HIVEP3: variants seen among roughly 807,000 people sequenced by gnomAD.
HIVEP3 encodes HIVEP zinc finger 3.
Under a neutral mutation model 152.8 loss-of-function variants are expected in HIVEP3, and 49 were observed. That is an observed-to-expected ratio of 0.32 (90% confidence interval 0.26 to 0.41). The LOEUF (loss-of-function observed/expected upper bound fraction) is 0.41. Among genes scored for constraint, HIVEP3 ranks in the 10% least tolerant of loss-of-function variants. The pLI, the probability that HIVEP3 is intolerant of heterozygous loss-of-function variation, is 1.00. For synonymous variants in HIVEP3, 1,269 were observed against 1,289.0 expected (o/e 0.98, Z 0.33); for missense variants, 2,790 against 3,103.3 (o/e 0.90, Z 2.40).
chr1:41,639,935 G>A (rs575543695), intron 2 of HIVEP3, among the ~76,000 whole-genome samples: 89 of 152,308 alleles, frequency 5.8e-4, no homozygotes, highest in African/African-American at 2.0e-3. Context: ...AGGATACCCA[G>A]AAATGTTTTC....
intron 1 of HIVEP3, among the ~76,000 whole-genome samples, chr1:41,953,933 C>T (rs1645124381): frequency 6.6e-6 from 1 of 152,176 alleles, no homozygotes; most frequent in Non-Finnish European, 1.5e-5. Context: ...TCTTCAGAAC[C>T]CAGAACATAT....
chr1:41,777,375 G>A (rs1232082435), intron 1 of HIVEP3, among the ~76,000 whole-genome samples: 1 of 152,206 alleles, frequency 6.6e-6, no homozygotes, highest in Non-Finnish European at 1.5e-5. Flanking sequence ...GGAACACTGG[G>A]CATTTGTCAG....
chr1:41,900,751 G>T (rs1487128127), intron 1 of HIVEP3, among the ~76,000 whole-genome samples: 1 of 152,084 alleles, frequency 6.6e-6, no homozygotes, highest in Non-Finnish European at 1.5e-5. Flanking sequence ...CCAGGAAAAA[G>T]GAAATGTGTG....
intron 1 of HIVEP3, among the ~76,000 whole-genome samples, chr1:41,864,287 G>A (rs573186911): frequency 1.3e-5 from 2 of 152,310 alleles, no homozygotes; most frequent in East Asian, 3.9e-4. Flanking sequence ...CAGAGAGCTG[G>A]AGGGTTACAG....
At chr1:41,706,863 C>T (rs1646441546) in intron 1 of HIVEP3, among the ~76,000 whole-genome samples, 1 of 152,126 alleles carries the variant, frequency 6.6e-6, no homozygotes, top group Non-Finnish European at 1.5e-5. Flanking sequence ...GTTATTGGTC[C>T]TCTAACAATG....
chr1:41,699,971 G>A (rs138108537), intron 2 of HIVEP3, among the ~76,000 whole-genome samples: 8 of 152,096 alleles, frequency 5.3e-5, no homozygotes, highest in Non-Finnish European at 1.2e-4. Flanking sequence ...GCATCCCAGC[G>A]ACTCCACTGC....
intron 1 of HIVEP3, among the ~76,000 whole-genome samples, chr1:41,736,116 A>T (rs1278184354): frequency 6.6e-6 from 1 of 152,178 alleles, no homozygotes; most frequent in East Asian, 1.9e-4. Context: ...GCCGATGGTT[A>T]TCACAACAGC....
At position 41,905,102 on chromosome 1, in the gene HIVEP3, G is replaced by A. The variant is rs183942422; in HGVS notation, c.-801+13311C>T. 2.9e-4 allele frequency among the ~76,000 whole-genome samples: 44 copies of A among 152,220 alleles called. 1 individual carries two copies. In the Middle Eastern group the frequency reaches 0.014, roughly 47 times the overall value. On this transcript the variant is annotated intron_variant, in intron 1 of 8. Coordinates refer to ENST00000372583, the MANE Select transcript of HIVEP3 (RefSeq NM_024503.5). ...TATAAGGATTTAAGAGTGTAGGTGG[G>A]GCCTCTCTAGGCCCTGCTTCCTACA...
chr1:41,742,381 T>C (rs981547283), intron 1 of HIVEP3, among the ~76,000 whole-genome samples: 2 of 152,234 alleles, frequency 1.3e-5, no homozygotes, highest in South Asian at 2.1e-4. Flanking sequence ...CATACTCTGC[T>C]GCTGTTGACT....
chr1:41,523,872 G>T (rs1236509287), intron 6 of HIVEP3, among the ~76,000 whole-genome samples: 2 of 152,226 alleles, frequency 1.3e-5, no homozygotes, highest in Non-Finnish European at 2.9e-5. Context: ...ACACTGGGGT[G>T]CCGAGAGCCC....
chr1:41,596,063 A>C (rs1644661442), intron 3 of HIVEP3, among the ~76,000 whole-genome samples: 1 of 152,206 alleles, frequency 6.6e-6, no homozygotes, highest in African/African-American at 2.4e-5. Context: ...GAAATGTTTC[A>C]GGGCTCCAGG....
intron 1 of HIVEP3, among the ~76,000 whole-genome samples, chr1:41,967,079 T>TA (rs1248830339): frequency 6.6e-6 from 1 of 152,126 alleles, no homozygotes; most frequent in Non-Finnish European, 1.5e-5. Flanking sequence ...CAAAGAGACT[T>TA]AGACTCCCAC....
At chr1:41,937,410 A>C (rs1449239093) in intron 1 of HIVEP3, among the ~76,000 whole-genome samples, 1 of 152,170 alleles carries the variant, frequency 6.6e-6, no homozygotes, top group African/African-American at 2.4e-5. Context: ...GACTTCTAGG[A>C]AGACAATCTA....
intron 1 of HIVEP3, among the ~76,000 whole-genome samples, chr1:41,933,628 T>C (rs1158805056): frequency 1.3e-5 from 2 of 152,174 alleles, no homozygotes; most frequent in Non-Finnish European, 2.9e-5. Context: ...ACAATCTCCA[T>C]CTTTTAACTG....
At chr1:41,835,854 T>C (rs1415612655) in intron 1 of HIVEP3, among the ~76,000 whole-genome samples, 2 of 152,312 alleles carry the variant, frequency 1.3e-5, no homozygotes, top group East Asian at 1.9e-4. Flanking sequence ...GTACCAAAGA[T>C]AAAAGTTAAT....
In HIVEP3 at chr1:41,918,245, G is replaced by A. The variant is rs1292004314; in HGVS notation, c.-801+168C>T. The stretch of plus-strand genomic sequence containing the variant: ...GCCGCCACGCGCAGCCCACCCGGCC[G>A]GCCCCTGCGTCTCGGCAGCCGGACA... On this transcript the variant is annotated intron_variant, in intron 1 of 8. Transcript: ENST00000372583. This position sits in a 1 kb window ranked among gnomAD's most constrained non-coding sequence, Gnocchi z 4.3. 6.6e-6 allele frequency among the ~76,000 whole-genome samples: 1 copy of A among 152,206 alleles called. No individual in the cohort carries two copies. Among genetic ancestry groups the A allele is most frequent in the African/African-American group, 2.4e-5 (1 of 41,464 alleles).
Position 41,662,759 on chromosome 1 carries a change from G to A in HIVEP3, c.-720-33812C>T, listed in dbSNP as rs896818187. Among the ~76,000 whole-genome samples, 7 of 151,380 alleles carry A rather than the reference G, an allele frequency of 4.6e-5. No individual in the cohort carries two copies. Among genetic ancestry groups the A allele is most frequent in the East Asian group, 2.0e-4 (1 of 5,062 alleles). ...TGTCTTTTCCTCCTGGGCCCTCTAGGGAGGGCAGACAGGGAAGCCCCTGTC... is the reference window on the plus strand; with the variant it reads ...TGTCTTTTCCTCCTGGGCCCTCTAGAGAGGGCAGACAGGGAAGCCCCTGTC... On this transcript the variant is annotated intron_variant, in intron 2 of 8. Coordinates refer to ENST00000372583, the MANE Select transcript of HIVEP3 (RefSeq NM_024503.5). The surrounding 1 kb of genome is among the most constrained non-coding windows in gnomAD (Gnocchi z 7.2).
chr1:41,778,107 T>C (rs1648823743), intron 1 of HIVEP3, among the ~76,000 whole-genome samples: 1 of 152,174 alleles, frequency 6.6e-6, no homozygotes, highest in African/African-American at 2.4e-5. Context: ...ATGCCATTAG[T>C]TGCACGCACT....
At chr1:41,688,773 G>A (rs1259021282) in intron 2 of HIVEP3, among the ~76,000 whole-genome samples, 2 of 152,028 alleles carry the variant, frequency 1.3e-5, no homozygotes, top group African/African-American at 2.4e-5. Flanking sequence ...CCTCCTCCTC[G>A]GCACCATGCT....
Sources: allele counts gnomAD v4.1 joint callset (sites outside exome capture counted in the v4.1 genomes callset), GRCh38; gene constraint gnomAD v4.1.1; non-coding constraint Gnocchi (gnomAD v3.1); transcripts MANE v1.5; gene names NCBI Gene and HGNC (gene_info 2026-07-23, HGNC 2026-07-21).